The following PHAX variants were observed in gnomAD, a reference collection of about 807,000 sequenced individuals.
The protein encoded by PHAX is phosphorylated adaptor for RNA export.
A neutral mutation model predicts 41.6 loss-of-function variants in PHAX; 31 were observed. That is an observed-to-expected ratio of 0.75 (90% CI 0.56 to 1.01). The LOEUF is 1.01. Ranked by LOEUF, PHAX falls within the 50% of genes least tolerant of loss-of-function variation. PHAX has a pLI of 0.00. For synonymous variants in PHAX, 175 were observed against 164.9 expected (o/e 1.06, Z -0.47); for missense variants, 453 against 472.9 (o/e 0.96, Z 0.39).
chr5:126,615,460 G>A (rs995014437), intron 3 of PHAX, among the ~76,000 whole-genome samples: 3 of 148,886 alleles, frequency 2.0e-5, no homozygotes, highest in South Asian at 2.1e-4. Flanking sequence ...CTATAAACAG[G>A]TGTTCTTTTC....
rs114048346 is a variant in PHAX at position 126,601,136 on chromosome 5, A to T, written c.96+78A>T. 692 of 985,420 alleles carry T rather than the reference A, an allele frequency of 7.0e-4. 3 individuals are homozygous for T. In the African/African-American group the frequency reaches 0.01, roughly 15 times the overall value. The allele number at this position is 985,420 out of a possible 1,614,324, so 61.0% of individuals were successfully genotyped here. A position where few individuals can be genotyped will look rare whatever the true frequency, so the allele number is the denominator to read the frequency against. On this transcript the variant is annotated intron_variant, in intron 1 of 4. Coordinates refer to ENST00000297540, the MANE Select transcript of PHAX (RefSeq NM_032177.4). ...CCCGGGGAGCGCGCAGGCAGCGGTG[A>T]GGGTGAGGGGTGGGAGCTAGGAGCC...
chr5:126,606,099 TGTA>T (rs1199234389), intron 2 of PHAX, among the ~76,000 whole-genome samples: 1 of 152,204 alleles, frequency 6.6e-6, no homozygotes, highest in Admixed American at 6.6e-5. Context: ...AATGGTGTCA[TGTA>T]GTATGTAATC....
Position 126,604,130 on chromosome 5 carries a change from C to G in PHAX, c.657C>G (p.Tyr219Ter), listed in dbSNP as rs146174480. Reference protein sequence around the residue: ...NRPEMNYKGRYEITAEDSQEK... With the variant: ...NRPEMNYKGR ...CAGAAATGAACTATAAAGGTCGATA[C>G]GAGATCACAGCGGAAGATTCTCAAG... The change falls in exon 2 of 5, where the codon TAC becomes TAG. Residue 219 changes from tyrosine (Y) to a stop codon, truncating the protein, a stop_gained. Transcript: ENST00000297540. LOFTEE classifies it high-confidence loss of function. 47 of 1,581,790 alleles carry G rather than the reference C, an allele frequency of 3.0e-5. No homozygotes were observed. Among genetic ancestry groups the G allele is most frequent in the Non-Finnish European group, 3.4e-5 (40 of 1,167,114 alleles).
chr5:126,604,102 G>A lies in PHAX; in HGVS notation c.629G>A (p.Arg210Lys), dbSNP rs954853912. The change falls in exon 2 of 5, where the codon AGA becomes AAA. Residue 210 changes from arginine (R) to lysine (K), a missense_variant. Physicochemically the swap from Arg to Lys is conservative, Grantham distance 26. Transcript: ENST00000297540. ...KRPVKDRLGNRPEMNYKGRYE... is the reference protein window; with the variant it reads ...KRPVKDRLGNKPEMNYKGRYE... ...CCTGTCAAAGACAGGCTAGGGAACA[G>A]ACCAGAAATGAACTATAAAGGTCGA... The A allele has an allele frequency of 1.2e-6, 2 of 1,609,796 alleles. No individual in the cohort carries two copies. Among genetic ancestry groups the A allele is most frequent in the African/African-American group, 1.3e-5 (1 of 74,312 alleles).
chr5:126,623,722 T>C, intron 4 of PHAX, among the ~76,000 whole-genome samples: 1 of 152,170 alleles, frequency 6.6e-6, no homozygotes, highest in East Asian at 1.9e-4. Flanking sequence ...TTAGCATAAA[T>C]TTTAGGAGAG....
chr5:126,608,152 A>G (rs1002055097), intron 2 of PHAX, among the ~76,000 whole-genome samples: 3 of 152,220 alleles, frequency 2.0e-5, no homozygotes, highest in African/African-American at 7.2e-5. Flanking sequence ...TAAGCCAATT[A>G]TGAGAGTTTA....
intron 4 of PHAX, among the ~76,000 whole-genome samples, chr5:126,621,261 T>C (rs1368622658): frequency 1.3e-5 from 2 of 152,138 alleles, no homozygotes; most frequent in Non-Finnish European, 2.9e-5. Flanking sequence ...CTATCGTAGC[T>C]CACTGTAGCC....
rs1752199786 is a variant in PHAX at position 126,617,255 on chromosome 5, T to C, written c.837T>C (p.Gly279=). 2 of 1,605,412 alleles carry C rather than the reference T, an allele frequency of 1.2e-6. No individual in the cohort carries two copies. Among genetic ancestry groups the C allele is most frequent in the Non-Finnish European group, 1.7e-6 (2 of 1,172,832 alleles). ...EQNGGLFIMN[G]SRRRTPGGVF... is the part of the protein sequence containing the mutation. ...TTTTCTGTTCCTTTTTGTAGAATGG[T>C]AGTCGAAGAAGAACACCAGGTGGAG... is the stretch of plus-strand genomic sequence containing the variant. Residue 279 remains glycine, a synonymous_variant, in exon 4 of 5, where the codon GGT becomes GGC. Coordinates refer to ENST00000297540, the MANE Select transcript of PHAX (RefSeq NM_032177.4).
rs572292276 is a variant in PHAX, at chr5:126,625,468, A to T, written c.*624A>T. ...AAAAACTAGCCAGGTGTGGTTCTCC[A>T]TGCCTATAATCCCGGCTACTCGGGA... On this transcript the variant is annotated 3_prime_UTR_variant, in exon 5 of 5. Coordinates refer to ENST00000297540, the MANE Select transcript of PHAX (RefSeq NM_032177.4). 6.6e-6 allele frequency: 1 copy of T among 152,112 alleles called. No individual in the cohort carries two copies. The highest frequency in any genetic ancestry group is 1.5e-5 in the Non-Finnish European group (1 of 68,092). The allele number at this position is 152,112 out of a possible 1,614,324, so 9.4% of individuals were successfully genotyped here.
At chr5:126,619,885 A>G (rs1752241788) in intron 4 of PHAX, among the ~76,000 whole-genome samples, 1 of 152,218 alleles carries the variant, frequency 6.6e-6, no homozygotes, top group Admixed American at 6.5e-5. Flanking sequence ...ACTCTTGCAT[A>G]GGAAAGAGGT....
chr5:126,608,418 CAAA>C lies in PHAX; in HGVS notation c.768_770del (p.Lys257del). 6.2e-7 allele frequency: 1 copy of C among 1,613,782 alleles called. No homozygotes were observed. The highest frequency in any genetic ancestry group is 8.5e-7 in the Non-Finnish European group (1 of 1,179,778). On this transcript the variant is annotated inframe_deletion, in exon 3 of 5. Transcript: ENST00000297540. ...CCCGAGTAGTGAGGATTATTGGTAA[CAAA>C]AAGGCAATTGAACTTCTGATGGAAA...
At chr5:126,607,388 C>CTTTTTTTTT (rs58375322) in intron 2 of PHAX, among the ~76,000 whole-genome samples, 1 of 85,392 alleles carries the variant, frequency 1.2e-5, no homozygotes, top group Non-Finnish European at 2.2e-5. Flanking sequence ...GGTCTGAATT[C>CTTTTTTTTT]TTTTTTTTTT....
At chr5:126,614,687 C>G (rs900179305) in intron 3 of PHAX, among the ~76,000 whole-genome samples, 1 of 151,942 alleles carries the variant, frequency 6.6e-6, no homozygotes, top group African/African-American at 2.4e-5. Flanking sequence ...AATAAAAAAT[C>G]AGTAAAAGAG....
Position 126,617,331 on chromosome 5 carries a change from A to G in PHAX, c.913A>G (p.Lys305Glu), listed in dbSNP as rs144262397. The part of the protein sequence containing the change: ...NTPSISEEQI[K>E]DIFYIENQKE... ...TCCTAGTATCAGCGAGGAACAAATTAAGGTAATGATAATGTCCTCACCTCT... is the reference window on the plus strand; with the variant it reads ...TCCTAGTATCAGCGAGGAACAAATTGAGGTAATGATAATGTCCTCACCTCT... Residue 305 changes from lysine to glutamate, a missense_variant and splice_region_variant, in exon 4 of 5, where the codon AAG becomes GAG. Lys to Glu is a moderately conservative substitution (Grantham distance 56). Transcript: ENST00000297540. 6.9e-6 allele frequency: 11 copies of G among 1,588,930 alleles called. No homozygotes were observed. The African/African-American group carries it at 1.2e-4, about 17-fold the overall frequency.
At chr5:126,621,010 ACAGG>A (rs1479220270) in intron 4 of PHAX, among the ~76,000 whole-genome samples, 1 of 152,156 alleles carries the variant, frequency 6.6e-6, no homozygotes, top group Non-Finnish European at 1.5e-5. Flanking sequence ...TGCTGGAATT[ACAGG>A]AGTGAGCCAC....
chr5:126,604,224 T>C (rs1751953875), intron 2 of PHAX, 41 bp downstream of exon 2: 1 of 1,483,412 alleles, frequency 6.7e-7, no homozygotes, highest in Non-Finnish European at 9.0e-7. Flanking sequence ...ACCAGATGGC[T>C]TCTATTTACA....
chr5:126,622,353 C>T (rs1182855931), intron 4 of PHAX, among the ~76,000 whole-genome samples: 3 of 150,672 alleles, frequency 2.0e-5, no homozygotes, highest in African/African-American at 7.3e-5. Flanking sequence ...AGGATGGTCT[C>T]GATCTCCTGA....
At chr5:126,614,453 C>CA (rs1371530107) in intron 3 of PHAX, among the ~76,000 whole-genome samples, 3 of 151,904 alleles carry the variant, frequency 2.0e-5, no homozygotes, top group Non-Finnish European at 4.4e-5. Context: ...TTTAAAAATT[C>CA]AGTTATTTGA....
At chr5:126,602,107 G>A (rs1455115623) in intron 1 of PHAX, among the ~76,000 whole-genome samples, 4 of 151,636 alleles carry the variant, frequency 2.6e-5, no homozygotes, top group Non-Finnish European at 4.4e-5. Flanking sequence ...CACCTCGCCC[G>A]GCCTAATTTT....
Sources: gnomAD v4.1 joint callset for allele counts (sites outside exome capture counted in the v4.1 genomes callset) on GRCh38, gnomAD v4.1.1 for gene constraint, MANE v1.5 for transcripts, NCBI Gene and HGNC (gene_info 2026-07-23, HGNC 2026-07-21) for gene names.